The following PMM2 variants were observed in gnomAD, a reference collection of about 807,000 sequenced individuals.
PMM2 encodes mannose-6-phosphate isomerase.
A neutral mutation model predicts 33.2 loss-of-function variants in PMM2; 35 were observed. The observed-to-expected ratio is 1.06, with a 90% CI of 0.81 to 1.40. PMM2 has a LOEUF of 1.40. PMM2 is among the 40% of genes most tolerant of loss of function. The probability of loss-of-function intolerance (pLI) is 0.00; values close to 1 mark genes in which losing one functional copy is unlikely to be tolerated. For synonymous variants in PMM2, 153 were observed against 114.7 expected (o/e 1.33, Z -2.13); for missense variants, 386 against 306.0 (o/e 1.26, Z -1.95).
chr16:8,825,756 AT>A (rs35928064), intron 7 of PMM2, among the ~76,000 whole-genome samples: 106 of 134,170 alleles, frequency 7.9e-4, no homozygotes, highest in Middle Eastern at 8.1e-3. Flanking sequence ...ATAAAACACT[AT>A]TTTTTTTTTT....
intron 7 of PMM2, among the ~76,000 whole-genome samples, chr16:8,835,781 G>C (rs2060841691): frequency 6.6e-6 from 1 of 151,904 alleles, no homozygotes; most frequent in Non-Finnish European, 1.5e-5. Flanking sequence ...CATTGAGTGG[G>C]GTAAGGGTGA....
chr16:8,837,242 A>G (rs903468007), intron 7 of PMM2, among the ~76,000 whole-genome samples: 1 of 152,024 alleles, frequency 6.6e-6, no homozygotes, highest in South Asian at 2.1e-4. Flanking sequence ...GGCACCTCAG[A>G]CCGTTTGCCC....
chr16:8,805,451 C>T (rs2060642010), intron 3 of PMM2, among the ~76,000 whole-genome samples: 1 of 151,954 alleles, frequency 6.6e-6, no homozygotes. Context: ...GCCTAGAACT[C>T]CTGGGCACAG....
Position 8,847,837 on chromosome 16 carries a change from G to C in PMM2, c.*12G>C. On this transcript the variant is annotated 3_prime_UTR_variant, in exon 8 of 8. Transcript: ENST00000268261. The stretch of plus-strand genomic sequence containing the variant: ...TGCTGTTCTCCTAACGTGGGAGCGG[G>C]AGGGGCGGGGTCCCGGCTGACAAGC... 6.3e-7 allele frequency: 1 copy of C among 1,597,960 alleles called. No homozygotes were observed.
At chr16:8,845,352 C>G (rs957029013) in intron 7 of PMM2, among the ~76,000 whole-genome samples, 4 of 152,136 alleles carry the variant, frequency 2.6e-5, no homozygotes, top group African/African-American at 9.7e-5. Context: ...TCAGTTAAGG[C>G]TATTTTTACT....
chr16:8,831,149 A>T (rs2060807340), intron 7 of PMM2, among the ~76,000 whole-genome samples: 1 of 152,158 alleles, frequency 6.6e-6, no homozygotes, highest in Admixed American at 6.5e-5. Context: ...AAAAACAAAA[A>T]AAACAAAGTT....
Position 8,849,292 on chromosome 16 carries a change from G to A in PMM2, c.*1467G>A, listed in dbSNP as rs1668209733. ...AATGATACTGTAATGACCTTCCAAA[G>A]TGAAGAGTAGCACATTAAAGTGATT... On this transcript the variant is annotated 3_prime_UTR_variant, in exon 8 of 8. Coordinates refer to ENST00000268261, the MANE Select transcript of PMM2 (RefSeq NM_000303.3). The A allele has an allele frequency of 6.6e-6, 1 of 152,276 alleles. No homozygotes were observed. The highest frequency in any genetic ancestry group is 6.5e-5 in the Admixed American group (1 of 15,288). The allele number at this position is 152,276 out of a possible 1,614,324, so 9.4% of individuals were successfully genotyped here.
rs1489886452 is a variant in PMM2 at position 8,848,422 on chromosome 16, G to C, written c.*597G>C. 2 of 164,218 alleles carry C rather than the reference G, an allele frequency of 1.2e-5. No homozygotes were observed. Among genetic ancestry groups the C allele is most frequent in the African/African-American group, 4.8e-5 (2 of 41,666 alleles). The allele number at this position is 164,218 out of a possible 1,614,324, so 10.2% of individuals were successfully genotyped here. On this transcript the variant is annotated 3_prime_UTR_variant, in exon 8 of 8. Transcript: ENST00000268261. Reference sequence around the variant, plus strand: ...CACTCTGCGTTTTCCCGTGTTTGGGGCTGAGGCCTGCTGGACAGATGGCTG... The same window carrying C: ...CACTCTGCGTTTTCCCGTGTTTGGGCCTGAGGCCTGCTGGACAGATGGCTG...
At chr16:8,838,657 T>C (rs1041995220) in intron 7 of PMM2, among the ~76,000 whole-genome samples, 1 of 151,900 alleles carries the variant, frequency 6.6e-6, no homozygotes, top group Non-Finnish European at 1.5e-5. Flanking sequence ...GGATACAGTT[T>C]TGGATGAATT....
intron 7 of PMM2, among the ~76,000 whole-genome samples, chr16:8,836,337 C>T (rs1190972075): frequency 6.6e-6 from 1 of 151,992 alleles, no homozygotes; most frequent in Non-Finnish European, 1.5e-5. Context: ...GCCAGAGTTC[C>T]AGGGGCTCTG....
chr16:8,820,348 C>CTTTTTTTTTTTTTTT (rs1451905873), intron 7 of PMM2, among the ~76,000 whole-genome samples: 1 of 131,362 alleles, frequency 7.6e-6, no homozygotes, highest in Non-Finnish European at 1.5e-5. Context: ...GGACACAGTT[C>CTTTTTTTTTTTTTTT]TTCTTTTTTT....
At chr16:8,827,899 ATATATAT>A (rs2060785513) in intron 7 of PMM2, among the ~76,000 whole-genome samples, 3 of 40,460 alleles carry the variant, frequency 7.4e-5, no homozygotes, top group East Asian at 6.7e-4. Flanking sequence ...GATATATATG[ATATATAT>A]TATATATATT....
At chr16:8,836,490 G>T (rs949408328) in intron 7 of PMM2, among the ~76,000 whole-genome samples, 4 of 152,050 alleles carry the variant, frequency 2.6e-5, no homozygotes, top group Non-Finnish European at 5.9e-5. Flanking sequence ...GCTCCTGGGG[G>T]AGGAGGTTCT....
chr16:8,838,407 CCTT>C (rs1378580571), intron 7 of PMM2, among the ~76,000 whole-genome samples: 1 of 151,906 alleles, frequency 6.6e-6, no homozygotes, highest in Non-Finnish European at 1.5e-5. Context: ...GACATTCCTG[CCTT>C]CTTATGTTAA....
At chr16:8,838,490 T>C (rs1326873244) in intron 7 of PMM2, among the ~76,000 whole-genome samples, 5 of 151,832 alleles carry the variant, frequency 3.3e-5, no homozygotes, top group East Asian at 1.9e-4. Context: ...GGAGACAGAA[T>C]GGGCGATGTT....
intron 7 of PMM2, among the ~76,000 whole-genome samples, chr16:8,844,449 G>A (rs2060911072): frequency 6.6e-6 from 1 of 152,122 alleles, no homozygotes; most frequent in Admixed American, 6.6e-5. Context: ...CCAGAAAAGC[G>A]GGACTTGCCG....
In PMM2 at chr16:8,797,929, C is replaced by A; in HGVS notation, c.47C>A (p.Thr16Asn). The A allele has an allele frequency of 2.5e-6, 4 of 1,608,344 alleles. No homozygotes were observed. Among genetic ancestry groups the A allele is most frequent in the Non-Finnish European group, 3.4e-6 (4 of 1,177,950 alleles). The change falls in exon 1 of 8, where the codon ACC (threonine) becomes AAC (asparagine). Residue 16 changes from threonine (T) to asparagine (N), a missense_variant. Physicochemically the swap from Thr to Asn is moderately conservative, Grantham distance 65. Transcript: ENST00000268261. ...CTCTGCCTCTTCGACGTGGATGGGACCCTCACCGCCCCGCGGCAGGTAAGT... is the reference window on the plus strand; with the variant it reads ...CTCTGCCTCTTCGACGTGGATGGGAACCTCACCGCCCCGCGGCAGGTAAGT... ...PALCLFDVDG[T>N]LTAPRQKITK... is the part of the protein sequence containing the mutation.
At chr16:8,832,743 G>A (rs1320202332) in intron 7 of PMM2, 10 of 985,144 alleles carry the variant, frequency 1.0e-5, no homozygotes, top group Non-Finnish European at 7.2e-6. Context: ...GCTTCAGGCG[G>A]CTACCCGTGA....
At chr16:8,815,373 G>A (rs559554407) in intron 7 of PMM2, among the ~76,000 whole-genome samples, 1 of 152,226 alleles carries the variant, frequency 6.6e-6, no homozygotes, top group African/African-American at 2.4e-5. Flanking sequence ...TGGGATTACA[G>A]GAGCCTGCCA....
Sources: gnomAD v4.1 joint callset for allele counts (sites outside exome capture counted in the v4.1 genomes callset) on GRCh38, gnomAD v4.1.1 for gene constraint, MANE v1.5 for transcripts, NCBI Gene and HGNC (gene_info 2026-07-23, HGNC 2026-07-21) for gene names.